Variants in LYPD6 observed in about 807,000 individuals in gnomAD.
LYPD6 encodes the protein ly6/PLAUR domain-containing protein 6.
In LYPD6, 15 loss-of-function variants were observed where a neutral mutation model predicts 22.7. That is an observed-to-expected ratio of 0.66 (90% CI 0.44 to 1.02). The LOEUF (loss-of-function observed/expected upper bound fraction) is 1.02. LYPD6 is among the 50% of genes least tolerant of loss of function. LYPD6 has a pLI of 0.00. For missense variants in LYPD6, 189 were observed against 208.4 expected (o/e 0.91, Z 0.57); for synonymous variants, 72 against 77.5 (o/e 0.93, Z 0.37).
chr2:149,441,102 C>T (rs1476638337), intron 2 of LYPD6, among the ~76,000 whole-genome samples: 1 of 152,106 alleles, frequency 6.6e-6, no homozygotes, highest in African/African-American at 2.4e-5. Flanking sequence ...TTTTAAATGG[C>T]GTGGTTCTAT....
chr2:149,367,885 G>A (rs976963418), intron 1 of LYPD6: 2 of 152,164 alleles, frequency 1.3e-5, no homozygotes, highest in Admixed American at 1.3e-4. Context: ...AATATATTCT[G>A]GTTCTGGAGA....
chr2:149,340,134 G>A (rs982429248), intron 1 of LYPD6, among the ~76,000 whole-genome samples: 3 of 152,124 alleles, frequency 2.0e-5, no homozygotes, highest in African/African-American at 7.2e-5. Flanking sequence ...TGCAGTTAGT[G>A]TGTTTTTGTA....
chr2:149,334,466 A>G (rs1680996605), intron 1 of LYPD6, among the ~76,000 whole-genome samples: 1 of 152,204 alleles, frequency 6.6e-6, no homozygotes, highest in South Asian at 2.1e-4. Context: ...CACACATTGG[A>G]GGTAATAGAT....
intron 2 of LYPD6, 89 bp from the exon 3 acceptor site, chr2:149,448,960 C>T (rs1008344254): frequency 1.9e-6 from 2 of 1,042,482 alleles, no homozygotes; most frequent in Admixed American, 5.1e-5. Flanking sequence ...CTTGAGAATC[C>T]TTTCTTTAAA....
At chr2:149,418,438 G>A (rs1251910193) in intron 1 of LYPD6, among the ~76,000 whole-genome samples, 1 of 150,850 alleles carries the variant, frequency 6.6e-6, no homozygotes, top group African/African-American at 2.5e-5. Flanking sequence ...TCCCTGAAAT[G>A]AGTAATAATA....
intron 1 of LYPD6, among the ~76,000 whole-genome samples, chr2:149,402,370 T>C (rs530578662): frequency 7.0e-4 from 106 of 152,210 alleles, no homozygotes; most frequent in Non-Finnish European, 1.2e-3. Context: ...ATCTTTTTCA[T>C]ATAATGACTT....
In LYPD6 at chr2:149,472,305, A is replaced by T. The variant is rs1224617695; in HGVS notation, c.*1455A>T. 3.3e-5 allele frequency: 5 copies of T among 152,318 alleles called. No individual in the cohort carries two copies. Among genetic ancestry groups the T allele is most frequent in the Non-Finnish European group, 7.3e-5 (5 of 68,034 alleles). The allele number at this position is 152,318 out of a possible 1,614,324, so 9.4% of individuals were successfully genotyped here. On this transcript the variant is annotated 3_prime_UTR_variant, in exon 5 of 5. Coordinates refer to ENST00000334166, the MANE Select transcript of LYPD6 (RefSeq NM_194317.5). Reference sequence around the variant, plus strand: ...TAGGCAAGAGCAATATGTTTGTCTCAAGGATTTTTCCATGGTTTCCTCAGT... The same window carrying T: ...TAGGCAAGAGCAATATGTTTGTCTCTAGGATTTTTCCATGGTTTCCTCAGT...
chr2:149,484,157 A>G, the LYPD6 span, among the ~76,000 whole-genome samples: 1 of 152,236 alleles, frequency 6.6e-6, no homozygotes, highest in South Asian at 2.1e-4. Context: ...GGATAAACCT[A>G]TAGTACTGTC....
At chr2:149,380,387 A>G (rs1427075604) in intron 1 of LYPD6, among the ~76,000 whole-genome samples, 3 of 152,346 alleles carry the variant, frequency 2.0e-5, no homozygotes, top group Non-Finnish European at 4.4e-5. Context: ...CAGGGAGCCC[A>G]GGTGGGAGGC....
intron 1 of LYPD6, among the ~76,000 whole-genome samples, chr2:149,351,392 TAAAAAAAAAAAA>T (rs71397025): frequency 1.2e-5 from 1 of 83,116 alleles, no homozygotes; most frequent in East Asian, 4.1e-4. Flanking sequence ...AGACTCCATC[TAAAAAAAAAAAA>T]AAAAAAAAAA....
chr2:149,441,183 T>TA (rs887173473), intron 2 of LYPD6, among the ~76,000 whole-genome samples: 1 of 152,144 alleles, frequency 6.6e-6, no homozygotes, highest in African/African-American at 2.4e-5. Flanking sequence ...ACATAGACCG[T>TA]AAAAAATATA....
intron 1 of LYPD6, among the ~76,000 whole-genome samples, chr2:149,371,808 C>T (rs1429268358): frequency 6.6e-6 from 1 of 152,156 alleles, no homozygotes; most frequent in Non-Finnish European, 1.5e-5. Flanking sequence ...GTAGCTTCGT[C>T]AAATCTGCCA....
At chr2:149,375,352 T>A (rs764916340) in intron 1 of LYPD6, among the ~76,000 whole-genome samples, 149 of 152,124 alleles carry the variant, frequency 9.8e-4, no homozygotes, top group Non-Finnish European at 8.7e-4. Flanking sequence ...AGGTGGGGTG[T>A]GAGTGGGGAA....
chr2:149,349,598 T>G (rs1007768039), intron 1 of LYPD6, among the ~76,000 whole-genome samples: 3 of 152,350 alleles, frequency 2.0e-5, no homozygotes, highest in Non-Finnish European at 4.4e-5. Context: ...CCAAGGATCA[T>G]GATATGCAAA....
At chr2:149,445,214 A>C (rs1374113098) in intron 2 of LYPD6, among the ~76,000 whole-genome samples, 1 of 152,242 alleles carries the variant, frequency 6.6e-6, no homozygotes, top group East Asian at 1.9e-4. Flanking sequence ...TACAATATTC[A>C]GTAGACAATT....
intron 1 of LYPD6, among the ~76,000 whole-genome samples, chr2:149,355,973 C>A (rs1414822879): frequency 6.6e-6 from 1 of 152,056 alleles, no homozygotes; most frequent in South Asian, 2.1e-4. Context: ...CTGTGCCACC[C>A]CTCTGTTATG....
At chr2:149,440,983 G>T (rs946974229) in intron 2 of LYPD6, among the ~76,000 whole-genome samples, 1 of 152,072 alleles carries the variant, frequency 6.6e-6, no homozygotes, top group African/African-American at 2.4e-5. Flanking sequence ...GGGATTACAG[G>T]CGTGAGCCAC....
At chr2:149,409,044 A>G (rs1297296465) in intron 1 of LYPD6, among the ~76,000 whole-genome samples, 1 of 152,142 alleles carries the variant, frequency 6.6e-6, no homozygotes, top group East Asian at 1.9e-4. Context: ...TGATGTCATA[A>G]GGAAGATGTG....
intron 1 of LYPD6, among the ~76,000 whole-genome samples, chr2:149,348,250 C>G (rs1681296074): frequency 6.6e-6 from 1 of 151,902 alleles, no homozygotes; most frequent in Non-Finnish European, 1.5e-5. Flanking sequence ...ACAAAAACCA[C>G]AAAAAATTCC....
Sources: allele counts gnomAD v4.1 joint callset (sites outside exome capture counted in the v4.1 genomes callset), GRCh38; gene constraint gnomAD v4.1.1; transcripts MANE v1.5; gene names NCBI Gene and HGNC (gene_info 2026-07-23, HGNC 2026-07-21).